CDH12: variants seen among roughly 807,000 people sequenced by gnomAD.
CDH12 encodes the protein cadherin 12.
In CDH12, 41 loss-of-function variants were observed where a neutral mutation model predicts 74.1. That is an observed-to-expected ratio of 0.55 (90% confidence interval 0.43 to 0.72). CDH12 has a LOEUF of 0.72. CDH12 is among the 30% of genes least tolerant of loss of function. The pLI, the probability that CDH12 is intolerant of heterozygous loss-of-function variation, is 0.00. For missense variants in CDH12, 945 were observed against 977.2 expected, an observed-to-expected ratio of 0.97 and a Z score of 0.44; for synonymous variants, 399 against 355.0, an observed-to-expected ratio of 1.12 and a Z score of -1.39.
At chr5:22,344,328 C>T (rs962860556) in intron 3 of CDH12, among the ~76,000 whole-genome samples, 12 of 152,140 alleles carry the variant, frequency 7.9e-5, no homozygotes, top group Admixed American at 5.9e-4. Flanking sequence ...AGATAGAAAA[C>T]TGATTATTGT....
intron 5 of CDH12, among the ~76,000 whole-genome samples, chr5:21,994,573 C>G (rs975040341): frequency 6.6e-6 from 1 of 152,086 alleles, no homozygotes; most frequent in African/African-American, 2.4e-5. Context: ...CATTATGTCC[C>G]CAGAGGTAAC....
At chr5:21,863,415 T>C (rs190153243) in intron 6 of CDH12, among the ~76,000 whole-genome samples, 1 of 152,308 alleles carries the variant, frequency 6.6e-6, no homozygotes, top group East Asian at 1.9e-4. Flanking sequence ...CTTTCAAAAC[T>C]CAGTACATGT....
chr5:22,489,574 A>G (rs998536803), intron 2 of CDH12, among the ~76,000 whole-genome samples: 1 of 152,146 alleles, frequency 6.6e-6, no homozygotes, highest in Non-Finnish European at 1.5e-5. Context: ...AAGGAGTTTA[A>G]GTTTTAATTG....
intron 4 of CDH12, among the ~76,000 whole-genome samples, chr5:22,163,866 T>A (rs1047197049): frequency 2.6e-5 from 4 of 152,206 alleles, no homozygotes; most frequent in Non-Finnish European, 5.9e-5. Flanking sequence ...TATGTCTCTT[T>A]CAGGTAATAG....
At chr5:21,897,136 A>C (rs907433087) in intron 6 of CDH12, among the ~76,000 whole-genome samples, 28 of 152,330 alleles carry the variant, frequency 1.8e-4, no homozygotes, top group Non-Finnish European at 2.4e-4. Flanking sequence ...AAGGGGAAAA[A>C]AAGGTTATAT....
At chr5:21,881,319 A>G (rs759865839) in intron 6 of CDH12, among the ~76,000 whole-genome samples, 2 of 152,154 alleles carry the variant, frequency 1.3e-5, no homozygotes, top group Non-Finnish European at 2.9e-5. Context: ...TTTTATATGC[A>G]TTCTTATATT....
chr5:22,198,869 C>T (rs1405646454), intron 4 of CDH12, among the ~76,000 whole-genome samples: 3 of 136,204 alleles, frequency 2.2e-5, no homozygotes, highest in Admixed American at 7.8e-5. Flanking sequence ...ACAAACCCGA[C>T]ATTTTTTATT....
chr5:21,880,610 T>TC (rs1397886815), intron 6 of CDH12, among the ~76,000 whole-genome samples: 3 of 87,426 alleles, frequency 3.4e-5, no homozygotes, highest in African/African-American at 1.3e-4. Flanking sequence ...CTTCCTTCCT[T>TC]CCTTCCTTCT....
rs192849599 is a variant in CDH12, at chr5:22,721,367, C to T, written c.-523+131691G>A. 3.5e-4 allele frequency among the ~76,000 whole-genome samples: 53 copies of T among 152,348 alleles called. 1 individual carries two copies. In the East Asian group the frequency reaches 4.1e-3, roughly 12 times the overall value. On this transcript the variant is annotated intron_variant, in intron 1 of 14. Coordinates refer to ENST00000382254, the MANE Select transcript of CDH12 (RefSeq NM_004061.5). ...ATTGAATGACTGTCCTGCTCTATTT[C>T]GGATTTGCATGGGGCTTATAGCCCC...
chr5:22,746,360 A>G (rs1745296673), intron 1 of CDH12, among the ~76,000 whole-genome samples: 2 of 152,328 alleles, frequency 1.3e-5, no homozygotes, highest in Non-Finnish European at 2.9e-5. Flanking sequence ...TTCTCTTTCT[A>G]CTAATGAGTA....
At chr5:22,616,338 TA>T (rs1346316848) in intron 1 of CDH12, among the ~76,000 whole-genome samples, 1 of 152,088 alleles carries the variant, frequency 6.6e-6, no homozygotes, top group Non-Finnish European at 1.5e-5. Flanking sequence ...AGAAAATTAG[TA>T]TTAAGTGCTA....
At chr5:22,059,375 C>G (rs1741022893) in intron 5 of CDH12, among the ~76,000 whole-genome samples, 1 of 124,286 alleles carries the variant, frequency 8.0e-6, no homozygotes, top group Non-Finnish European at 1.6e-5. Flanking sequence ...ATCTATCTAT[C>G]TATCTATCTA....
chr5:22,229,862 C>T (rs1193876436), intron 3 of CDH12, among the ~76,000 whole-genome samples: 1 of 148,628 alleles, frequency 6.7e-6, no homozygotes, highest in Non-Finnish European at 1.5e-5. Flanking sequence ...CTAATTGATA[C>T]ACACACACAC....
At chr5:22,197,714 T>A (rs544612002) in intron 4 of CDH12, among the ~76,000 whole-genome samples, 320 of 152,164 alleles carry the variant, frequency 2.1e-3, no homozygotes, top group African/African-American at 7.5e-3. Flanking sequence ...AAAATACATC[T>A]ATACCATAAA....
intron 1 of CDH12, among the ~76,000 whole-genome samples, chr5:22,623,523 GACAA>G (rs575628235): frequency 2.6e-4 from 39 of 152,050 alleles, no homozygotes; most frequent in Admixed American, 3.9e-4. Context: ...ACCAATAACA[GACAA>G]ACAGAGAGCC....
In CDH12 at chr5:21,932,612, C is replaced by A. The variant is rs1057402006; in HGVS notation, c.526+42479G>T. Among the ~76,000 whole-genome samples the A allele has an allele frequency of 3.3e-5, 5 of 151,906 alleles. No homozygotes were observed. The South Asian group carries it at 1.0e-3, about 32-fold the overall frequency. ...AAAATAAAAATAAAAATAAAAGAGA[C>A]TAGCAAGGCCGGGTGCGCTGGCGCA... On this transcript the variant is annotated intron_variant, in intron 6 of 14. Coordinates refer to ENST00000382254, the MANE Select transcript of CDH12 (RefSeq NM_004061.5).
At chr5:21,990,463 G>A (rs1757696749) in intron 5 of CDH12, among the ~76,000 whole-genome samples, 2 of 151,908 alleles carry the variant, frequency 1.3e-5, no homozygotes, top group Non-Finnish European at 2.9e-5. Flanking sequence ...TATGTAAAAT[G>A]TAGACTATAA....
chr5:22,183,376 A>G (rs971207638), intron 4 of CDH12, among the ~76,000 whole-genome samples: 12 of 152,210 alleles, frequency 7.9e-5, no homozygotes, highest in African/African-American at 2.9e-4. Context: ...TGTAAAGTGC[A>G]TGGGACAGAA....
At chr5:22,213,921 G>A (rs1751691088) in intron 3 of CDH12, among the ~76,000 whole-genome samples, 2 of 151,598 alleles carry the variant, frequency 1.3e-5, no homozygotes, top group South Asian at 2.1e-4. Flanking sequence ...GTGTGTGTGC[G>A]TGTGTGTGTG....
Sources: allele counts gnomAD v4.1 joint callset (sites outside exome capture counted in the v4.1 genomes callset), GRCh38; gene constraint gnomAD v4.1.1; transcripts MANE v1.5; gene names NCBI Gene and HGNC (gene_info 2026-07-23, HGNC 2026-07-21).